Variants in CLPB observed in about 807,000 individuals in gnomAD.
CLPB encodes mitochondrial disaggregase.
Under a neutral mutation model 78.4 loss-of-function variants are expected in CLPB, and 40 were observed. That is an observed-to-expected ratio of 0.51 (90% CI 0.40 to 0.66). The LOEUF (loss-of-function observed/expected upper bound fraction) is 0.66. CLPB is among the 30% of genes least tolerant of loss of function. The pLI, the probability that CLPB is intolerant of heterozygous loss-of-function variation, is 0.00. For synonymous variants in CLPB, 333 were observed against 348.0 expected, an observed-to-expected ratio of 0.96 and a Z score of 0.48; for missense variants, 780 against 886.9, an observed-to-expected ratio of 0.88 and a Z score of 1.53.
At chr11:72,398,632 A>T (rs1855476882) in intron 3 of CLPB, among the ~76,000 whole-genome samples, 1 of 152,244 alleles carries the variant, frequency 6.6e-6, no homozygotes, top group Non-Finnish European at 1.5e-5. Context: ...ACGCTAAGTC[A>T]CAGTGATCAT....
intron 5 of CLPB, among the ~76,000 whole-genome samples, chr11:72,357,772 T>C (rs903719167): frequency 6.7e-6 from 1 of 150,334 alleles, no homozygotes; most frequent in Admixed American, 6.6e-5. Flanking sequence ...CTTCTGTCTC[T>C]GAAAAATGTC....
At chr11:72,374,567 G>A (rs965895064) in intron 4 of CLPB, among the ~76,000 whole-genome samples, 6 of 152,160 alleles carry the variant, frequency 3.9e-5, no homozygotes, top group African/African-American at 7.2e-5. Flanking sequence ...CACCAACTTT[G>A]ACAAAAGTGG....
chr11:72,407,715 C>T (rs1018829254), intron 2 of CLPB, among the ~76,000 whole-genome samples: 3 of 151,218 alleles, frequency 2.0e-5, no homozygotes, highest in South Asian at 2.1e-4. Context: ...GGCACGATCT[C>T]GGCTCACTGC....
At chr11:72,346,996 A>G (rs1187784103) in intron 5 of CLPB, among the ~76,000 whole-genome samples, 1 of 148,540 alleles carries the variant, frequency 6.7e-6, no homozygotes, top group Admixed American at 6.7e-5. Context: ...ATTAAAAAAA[A>G]AAAAAAAAAA....
intron 5 of CLPB, among the ~76,000 whole-genome samples, chr11:72,333,224 TC>T (rs572409090): frequency 1.9e-4 from 29 of 152,292 alleles, no homozygotes; most frequent in Non-Finnish European, 3.2e-4. Flanking sequence ...GAAAAAGCCT[TC>T]AGTTGGCCTT....
At chr11:72,407,037 G>A (rs1356439234) in intron 2 of CLPB, among the ~76,000 whole-genome samples, 2 of 152,150 alleles carry the variant, frequency 1.3e-5, no homozygotes, top group Non-Finnish European at 2.9e-5. Context: ...CCCACGGTGT[G>A]TGTCCACATT....
At chr11:72,374,179 G>A (rs1415968673) in intron 4 of CLPB, among the ~76,000 whole-genome samples, 1 of 152,050 alleles carries the variant, frequency 6.6e-6, no homozygotes, top group Non-Finnish European at 1.5e-5. Flanking sequence ...CAGGCTTCCT[G>A]CTTTACACTT....
At chr11:72,375,624 C>A (rs537251831) in intron 4 of CLPB, among the ~76,000 whole-genome samples, 1 of 152,222 alleles carries the variant, frequency 6.6e-6, no homozygotes, top group Non-Finnish European at 1.5e-5. Context: ...ATACTTACAG[C>A]AGTGCTGCCT....
chr11:72,374,497 AT>A (rs1182953201), intron 4 of CLPB, among the ~76,000 whole-genome samples: 2 of 152,140 alleles, frequency 1.3e-5, no homozygotes, highest in African/African-American at 4.8e-5. Context: ...GGCCAACAAG[AT>A]TTCCATACCA....
In CLPB at chr11:72,287,060, T is replaced by G. The variant is rs1949399689; in HGVS notation, c.*6307A>C. On this transcript the variant is annotated 3_prime_UTR_variant, in exon 16 of 16. Transcript: ENST00000538039. ...AGCCTTGCATTGCTAAAATAAACCT[T>G]ATGTAATCAGAGTGTGCAATTCAAC... 1 of 152,174 alleles carries G rather than the reference T, an allele frequency of 6.6e-6. No individual in the cohort carries two copies. Among genetic ancestry groups the G allele is most frequent in the Admixed American group, 6.5e-5 (1 of 15,282 alleles). 9.4% of individuals were successfully genotyped at this position (152,174 alleles called of 1,614,324 possible). A position where few individuals can be genotyped will look rare whatever the true frequency, so the allele number is the denominator to read the frequency against.
At chr11:72,412,572 A>G (rs1430278262) in intron 2 of CLPB, among the ~76,000 whole-genome samples, 4 of 152,176 alleles carry the variant, frequency 2.6e-5, no homozygotes, top group African/African-American at 4.8e-5. Flanking sequence ...ACTGATCTAT[A>G]TATGAGCCTG....
chr11:72,412,008 A>G (rs1188757271), intron 2 of CLPB: 2 of 152,322 alleles, frequency 1.3e-5, no homozygotes, highest in Admixed American at 1.3e-4. Context: ...CTGCTGTCTG[A>G]GCAGAGGCAA....
intron 2 of CLPB, among the ~76,000 whole-genome samples, chr11:72,408,686 A>T (rs1332806797): frequency 6.7e-6 from 1 of 148,852 alleles, no homozygotes; most frequent in African/African-American, 2.5e-5. Flanking sequence ...AAAAAAAAAA[A>T]AGAAAAGAAA....
intron 6 of CLPB, among the ~76,000 whole-genome samples, chr11:72,322,100 C>T (rs1295438629): frequency 6.6e-6 from 1 of 152,010 alleles, no homozygotes; most frequent in Admixed American, 6.6e-5. Context: ...GAGAGGCACA[C>T]AAGGAATTTG....
intron 4 of CLPB, among the ~76,000 whole-genome samples, chr11:72,379,213 T>C (rs1316443630): frequency 1.3e-5 from 2 of 152,118 alleles, no homozygotes; most frequent in East Asian, 1.9e-4. Flanking sequence ...CTTGGCTGAA[T>C]TTCCCCCAGC....
intron 2 of CLPB, among the ~76,000 whole-genome samples, chr11:72,403,748 C>T (rs7109466): frequency 0.029 from 4,481 of 152,186 alleles, 112 homozygotes; most frequent in Non-Finnish European, 0.041. Context: ...TATGCCAGTG[C>T]CTAACACATT....
intron 4 of CLPB, among the ~76,000 whole-genome samples, chr11:72,364,979 C>T (rs867947972): frequency 1.3e-5 from 2 of 152,144 alleles, no homozygotes; most frequent in African/African-American, 4.8e-5. Flanking sequence ...CCAAAGAGCA[C>T]ATGAACAGAT....
Position 72,380,343 on chromosome 11 carries a change from A to C in CLPB, c.584T>G (p.Leu195Arg). ...GTAAACACTGCTGAAATCATCTCCA[A>C]GGTTTGGATCAGCCCCAGCAGCAAG... ...VLLAAGADPN[L>R]GDDFSSVYKT... The change falls in exon 4 of 16, where the codon CTT becomes CGT. Residue 195 changes from leucine to arginine, a missense_variant. Around this residue, in one of 3 missense-constraint regions of CLPB, gnomAD observed 417 missense variants for 414.7 expected, o/e 1.01. Coordinates refer to ENST00000538039, the MANE Select transcript of CLPB (RefSeq NM_001258392.3). The C allele has an allele frequency of 6.2e-7, 1 of 1,614,198 alleles. No homozygotes were observed.
intron 2 of CLPB, chr11:72,408,065 G>A: frequency 7.3e-7 from 1 of 1,369,570 alleles, no homozygotes; most frequent in Non-Finnish European, 1.0e-6. Context: ...TTAGGAGGCA[G>A]CACCGAAATA....
Sources: gnomAD v4.1 joint callset for allele counts (sites outside exome capture counted in the v4.1 genomes callset) on GRCh38, gnomAD v4.1.1 for gene constraint, gnomAD v4.1.1 regional missense constraint, MANE v1.5 for transcripts, NCBI Gene and HGNC (gene_info 2026-07-23, HGNC 2026-07-21) for gene names.